The following PFKFB3 variants were observed in gnomAD, a reference collection of about 807,000 sequenced individuals.
PFKFB3 encodes the protein 6-phosphofructo-2-kinase/fructose-2,6-bisphosphatase 3.
A neutral mutation model predicts 68.0 loss-of-function variants in PFKFB3; 33 were observed. The observed-to-expected ratio is 0.49, with a 90% confidence interval of 0.37 to 0.65. The LOEUF (loss-of-function observed/expected upper bound fraction) is 0.65. Ranked by LOEUF, PFKFB3 falls within the 30% of genes least tolerant of loss-of-function variation. The probability of loss-of-function intolerance (pLI) is 0.00; values close to 1 mark genes in which losing one functional copy is unlikely to be tolerated. For synonymous variants in PFKFB3, 315 were observed against 288.2 expected (o/e 1.09, Z -0.94); for missense variants, 586 against 712.2 (o/e 0.82, Z 2.02).
At chr10:6,231,215 T>C (rs1845719109) in intron 14 of PFKFB3, 1 of 1,282,308 alleles carries the variant, frequency 7.8e-7, no homozygotes, top group African/African-American at 1.5e-5. Context: ...TTCTTTTTTT[T>C]TTTCCTTTTC....
the PFKFB3 span, among the ~76,000 whole-genome samples, chr10:6,292,003 G>C: frequency 7.0e-6 from 1 of 142,658 alleles, no homozygotes; most frequent in Non-Finnish European, 1.5e-5. Context: ...GCTTAGGCTG[G>C]CATACAGTGG....
chr10:6,269,177 C>T, the PFKFB3 span, among the ~76,000 whole-genome samples: 1 of 150,918 alleles, frequency 6.6e-6, no homozygotes, highest in East Asian at 1.9e-4. Context: ...AATGGCGATT[C>T]TTCAGTATAT....
At chr10:6,262,254 A>G in the PFKFB3 span, among the ~76,000 whole-genome samples, 1 of 151,740 alleles carries the variant, frequency 6.6e-6, no homozygotes, top group South Asian at 2.1e-4. Context: ...GGAGATCGAG[A>G]CCATCCTGGC....
the PFKFB3 span, among the ~76,000 whole-genome samples, chr10:6,295,213 T>G: frequency 6.6e-6 from 1 of 152,056 alleles, no homozygotes; most frequent in Non-Finnish European, 1.5e-5. Context: ...CTTAGGCTTG[T>G]AGATTTTATT....
At chr10:6,242,786 C>T (rs1254328748) in intron 14 of PFKFB3, among the ~76,000 whole-genome samples, 2 of 152,208 alleles carry the variant, frequency 1.3e-5, no homozygotes. Flanking sequence ...CAGGGTTTCG[C>T]CATATTGGCC....
the PFKFB3 span, among the ~76,000 whole-genome samples, chr10:6,311,285 CT>C: frequency 1.3e-5 from 2 of 152,150 alleles, no homozygotes; most frequent in Non-Finnish European, 2.9e-5. Flanking sequence ...CCATGCTCCC[CT>C]ATCTCCCTGC....
At chr10:6,191,834 C>G (rs1047166697) in intron 1 of PFKFB3, among the ~76,000 whole-genome samples, 11 of 152,244 alleles carry the variant, frequency 7.2e-5, no homozygotes, top group African/African-American at 2.6e-4. Flanking sequence ...GTGGCTCTAA[C>G]TCCTGTCACA....
chr10:6,174,838 T>C (rs1391211031), intron 1 of PFKFB3, among the ~76,000 whole-genome samples: 4 of 149,390 alleles, frequency 2.7e-5, no homozygotes, highest in Non-Finnish European at 5.9e-5. Flanking sequence ...TTTTTTTTAA[T>C]ACGGAGTCTC....
At chr10:6,253,701 G>A (rs768083441) in intron 14 of PFKFB3, among the ~76,000 whole-genome samples, 50 of 152,064 alleles carry the variant, frequency 3.3e-4, no homozygotes, top group Non-Finnish European at 5.7e-4. Context: ...GGGATAGAGA[G>A]GGCAGTTTGG....
chr10:6,236,144 T>C (rs1330552033), downstream of PFKFB3, among the ~76,000 whole-genome samples: 2 of 152,216 alleles, frequency 1.3e-5, no homozygotes, highest in Admixed American at 1.3e-4. Flanking sequence ...TCATTGGCAC[T>C]ACAGAAGGTA....
chr10:6,284,504 T>A, the PFKFB3 span, among the ~76,000 whole-genome samples: 3 of 152,230 alleles, frequency 2.0e-5, no homozygotes, highest in Non-Finnish European at 4.4e-5. Context: ...ATACTCCAGC[T>A]TCCTTTTGAT....
chr10:6,216,407 C>T (rs558199624), intron 4 of PFKFB3, among the ~76,000 whole-genome samples: 3 of 152,190 alleles, frequency 2.0e-5, no homozygotes, highest in South Asian at 4.3e-4. Flanking sequence ...GGGCAGGACT[C>T]GAGTTACCCA....
intron 1 of PFKFB3, among the ~76,000 whole-genome samples, chr10:6,189,512 CT>C (rs3084089): frequency 0.026 from 3,166 of 120,996 alleles, 78 homozygotes; most frequent in African/African-American, 0.08. Flanking sequence ...GTGAGGTTCA[CT>C]TTTTTTTTTT....
chr10:6,196,469 G>A (rs548133789), intron 1 of PFKFB3, among the ~76,000 whole-genome samples: 44 of 152,314 alleles, frequency 2.9e-4, no homozygotes, highest in African/African-American at 9.9e-4. Context: ...AAGGAAGCCA[G>A]TCCAGGTCCC....
intron 1 of PFKFB3, chr10:6,149,598 A>AAAG (rs1841512143): frequency 6.6e-6 from 1 of 151,696 alleles, no homozygotes; most frequent in Admixed American, 6.6e-5. Flanking sequence ...AAAAAAAAAA[A>AAAG]AAAAGATACA....
chr10:6,231,300 T>C (rs1564219308), intron 14 of PFKFB3: 3 of 1,612,448 alleles, frequency 1.9e-6, no homozygotes, highest in Non-Finnish European at 2.5e-6. Flanking sequence ...GTTTTCTCCT[T>C]ACTAACTGTG....
intron 1 of PFKFB3, among the ~76,000 whole-genome samples, chr10:6,177,476 CTT>C (rs1842554670): frequency 1.7e-5 from 2 of 118,898 alleles, no homozygotes; most frequent in South Asian, 2.7e-4. Context: ...TTCTTTCTTT[CTT>C]TCTTTCTTTT....
the PFKFB3 span, among the ~76,000 whole-genome samples, chr10:6,320,067 G>A: frequency 6.6e-6 from 1 of 152,184 alleles, no homozygotes; most frequent in African/African-American, 2.4e-5. Context: ...CTGGGGTGGT[G>A]GCATGCACCT....
the PFKFB3 span, among the ~76,000 whole-genome samples, chr10:6,292,589 C>T: frequency 4.3e-4 from 65 of 150,636 alleles, 1 homozygote; most frequent in South Asian, 9.5e-3. Context: ...GTGCCTGGCC[C>T]GAAACCAGTG....
Sources: allele counts gnomAD v4.1 joint callset (sites outside exome capture counted in the v4.1 genomes callset), GRCh38; gene constraint gnomAD v4.1.1; transcripts MANE v1.5; gene names NCBI Gene and HGNC (gene_info 2026-07-23, HGNC 2026-07-21).